Variants in CUTC observed in about 807,000 individuals in gnomAD.
CUTC encodes the protein copper homeostasis protein cutC homolog.
In CUTC, 27 loss-of-function variants were observed where a neutral mutation model predicts 36.2. That is an observed-to-expected ratio of 0.75 (90% CI 0.55 to 1.03). The LOEUF (loss-of-function observed/expected upper bound fraction) is 1.03. CUTC is among the 50% of genes least tolerant of loss of function. The pLI, the probability that CUTC is intolerant of heterozygous loss-of-function variation, is 0.00. For synonymous variants in CUTC, 114 were observed against 118.3 expected (o/e 0.96, Z 0.24); for missense variants, 315 against 343.5 (o/e 0.92, Z 0.66).
intron 3 of CUTC, among the ~76,000 whole-genome samples, chr10:99,742,301 C>G (rs2037347053): frequency 6.6e-6 from 1 of 151,960 alleles, no homozygotes; most frequent in Non-Finnish European, 1.5e-5. Flanking sequence ...ATTGTGGTCT[C>G]CTAAGTTATG....
chr10:99,736,443 C>T (rs2037297939), intron 2 of CUTC, 126 bp downstream of exon 2: 1 of 663,016 alleles, frequency 1.5e-6, no homozygotes, highest in Non-Finnish European at 2.6e-6. Flanking sequence ...TCAGAAACAA[C>T]CAATTAGAAA....
At chr10:99,741,915 T>G (rs1190918336) in intron 3 of CUTC, among the ~76,000 whole-genome samples, 1 of 152,136 alleles carries the variant, frequency 6.6e-6, no homozygotes, top group Non-Finnish European at 1.5e-5. Context: ...ATTGAGATAG[T>G]CTTTGCTACT....
chr10:99,743,081 G>A (rs1415345897), intron 3 of CUTC, 72 bp from the exon 4 acceptor site: 1 of 1,440,166 alleles, frequency 6.9e-7, no homozygotes, highest in Non-Finnish European at 9.7e-7. Flanking sequence ...ATCTTTGTCT[G>A]GTAAATGACC....
In CUTC at chr10:99,744,019, A is replaced by G. The variant is rs1452058180; in HGVS notation, c.404-18A>G. The stretch of plus-strand genomic sequence containing the variant: ...ATGACATCTTCATTCATGTTGTTAT[A>G]TGACTTTCTTTTTATAGCTATTTGC... On this transcript the variant is annotated intron_variant, in intron 4 of 8. Transcript: ENST00000370476. 6.2e-7 allele frequency: 1 copy of G among 1,608,058 alleles called. No individual in the cohort carries two copies. The highest frequency in any genetic ancestry group is 2.2e-5 in the East Asian group (1 of 44,826).
At chr10:99,735,963 A>G (rs770460715) in intron 1 of CUTC, among the ~76,000 whole-genome samples, 2 of 152,210 alleles carry the variant, frequency 1.3e-5, no homozygotes, top group Non-Finnish European at 2.9e-5. Context: ...TCTCAGCTGG[A>G]ATGTGATGAT....
chr10:99,733,923 G>A (rs973048460), intron 1 of CUTC, among the ~76,000 whole-genome samples: 1 of 152,070 alleles, frequency 6.6e-6, no homozygotes, highest in Non-Finnish European at 1.5e-5. Flanking sequence ...ATAGTCCCCC[G>A]GCAGCATCAG....
intron 2 of CUTC, among the ~76,000 whole-genome samples, chr10:99,739,448 T>C (rs550691549): frequency 6.6e-6 from 1 of 152,324 alleles, no homozygotes; most frequent in East Asian, 1.9e-4. Flanking sequence ...TTCCTGTACA[T>C]AGAGAGGCAA....
chr10:99,749,227 T>C (rs1279099247), intron 6 of CUTC, among the ~76,000 whole-genome samples: 1 of 152,176 alleles, frequency 6.6e-6, no homozygotes, highest in Non-Finnish European at 1.5e-5. Flanking sequence ...GGCTTTGTGA[T>C]TGGACAGGTC....
At position 99,755,956 on chromosome 10, in the gene CUTC, A is replaced by G. The variant is rs2037454011; in HGVS notation, c.*217A>G. 1 of 487,116 alleles carries G rather than the reference A, an allele frequency of 2.1e-6. No individual in the cohort carries two copies. The highest frequency in any genetic ancestry group is 3.6e-6 in the Non-Finnish European group (1 of 275,108). The allele number at this position is 487,116 out of a possible 1,614,324, so 30.2% of individuals were successfully genotyped here. A position where few individuals can be genotyped will look rare whatever the true frequency, so the allele number is the denominator to read the frequency against. ...CTTAGTCTTACCAGTGATTGTCATC[A>G]TGGTTAAAGCTGGTCTGTGCTTCTT... On this transcript the variant is annotated 3_prime_UTR_variant, in exon 9 of 9. Transcript: ENST00000370476.
At chr10:99,754,839 G>C (rs186365569) in intron 8 of CUTC, among the ~76,000 whole-genome samples, 122 of 152,306 alleles carry the variant, frequency 8.0e-4, no homozygotes, top group African/African-American at 2.8e-3. Flanking sequence ...GAACATAGGT[G>C]AACCTTGCCT....
intron 5 of CUTC, among the ~76,000 whole-genome samples, chr10:99,745,152 T>C (rs2037369495): frequency 6.6e-6 from 1 of 152,230 alleles, no homozygotes; most frequent in African/African-American, 2.4e-5. Context: ...CCATTGCACA[T>C]GAAAAGAAGT....
intron 5 of CUTC, among the ~76,000 whole-genome samples, chr10:99,744,795 C>T (rs1460711414): frequency 3.3e-5 from 5 of 152,214 alleles, no homozygotes; most frequent in Admixed American, 1.3e-4. Flanking sequence ...CGCTCTGTCG[C>T]CTAGGCTGGA....
intron 1 of CUTC, among the ~76,000 whole-genome samples, chr10:99,734,814 C>G (rs1030899688): frequency 1.3e-5 from 2 of 152,036 alleles, no homozygotes; most frequent in Admixed American, 6.6e-5. Flanking sequence ...AAAGACCTTA[C>G]TTAGGAGGCC....
chr10:99,733,943 G>A (rs2133658651), intron 1 of CUTC, among the ~76,000 whole-genome samples: 1 of 152,276 alleles, frequency 6.6e-6, no homozygotes, highest in South Asian at 2.1e-4. Flanking sequence ...GCATCGGCCA[G>A]TGCCACTGAT....
At position 99,732,429 on chromosome 10, in the gene CUTC, A is replaced by T. The variant is rs767772932; in HGVS notation, c.61+20A>T. 2.6e-5 allele frequency: 40 copies of T among 1,546,044 alleles called. No individual in the cohort carries two copies. The African/African-American group carries it at 4.4e-4, about 17-fold the overall frequency. ...AGGCCGGTGCGGAAGGTGGCGGGGG[A>T]GGGGACGGTCGGCCGAAGGCTCCCC... On this transcript the variant is annotated intron_variant, in intron 1 of 8. Coordinates refer to ENST00000370476, the MANE Select transcript of CUTC (RefSeq NM_015960.3).
Position 99,732,358 on chromosome 10 carries a change from C to G in CUTC, c.10C>G (p.Gln4Glu). Residue 4 changes from glutamine to glutamate, a missense_variant, in exon 1 of 9, where the codon CAG becomes GAG. Coordinates refer to ENST00000370476, the MANE Select transcript of CUTC (RefSeq NM_015960.3). MKRQGASSERKRAR... is the reference protein window; with the variant it reads MKREGASSERKRAR... The stretch of plus-strand genomic sequence containing the variant: ...GAGGAACGCGTGGAGCATGAAAAGG[C>G]AGGGGGCCTCCTCTGAGCGAAAACG... The G allele has an allele frequency of 1.3e-6, 2 of 1,552,974 alleles. No individual in the cohort carries two copies. The highest frequency in any genetic ancestry group is 1.7e-6 in the Non-Finnish European group (2 of 1,147,960).
chr10:99,734,708 TTTG>T (rs1310672799), intron 1 of CUTC, among the ~76,000 whole-genome samples: 1 of 152,104 alleles, frequency 6.6e-6, no homozygotes, highest in Non-Finnish European at 1.5e-5. Flanking sequence ...ATACATTAAT[TTTG>T]TTGTAATTAT....
chr10:99,751,607 C>T (rs2037418880), intron 7 of CUTC, among the ~76,000 whole-genome samples: 1 of 152,300 alleles, frequency 6.6e-6, no homozygotes, highest in Admixed American at 6.5e-5. Flanking sequence ...CCTGTAATCC[C>T]AGCACTTTGG....
At chr10:99,743,960 C>A in intron 4 of CUTC, 77 bp from the exon 5 acceptor site, 2 of 1,192,866 alleles carry the variant, frequency 1.7e-6, no homozygotes, top group Non-Finnish European at 2.4e-6. Context: ...AAAGTTTCAG[C>A]TAACATGGAG....
Sources: allele counts gnomAD v4.1 joint callset (sites outside exome capture counted in the v4.1 genomes callset), GRCh38; gene constraint gnomAD v4.1.1; transcripts MANE v1.5; gene names NCBI Gene and HGNC (gene_info 2026-07-23, HGNC 2026-07-21).